Variants in IGSF11 observed in about 807,000 individuals in gnomAD.
IGSF11 encodes the protein CXADR like 1.
IGSF11 carries 22 observed loss-of-function variants against 41.0 expected under a neutral mutation model. The ratio of observed to expected loss-of-function variants is 0.54; its 90% CI spans 0.38 to 0.77. The LOEUF is 0.77. Among genes scored for constraint, IGSF11 ranks in the 30% least tolerant of loss-of-function variants. IGSF11 has a pLI of 0.00. For synonymous variants in IGSF11, 219 were observed against 201.3 expected (o/e 1.09, Z -0.74); for missense variants, 444 against 530.8 (o/e 0.84, Z 1.61).
At chr3:118,966,183 A>G (rs377456192) in intron 1 of IGSF11, among the ~76,000 whole-genome samples, 37 of 152,158 alleles carry the variant, frequency 2.4e-4, no homozygotes, top group African/African-American at 6.8e-4. Context: ...TATGATCAAC[A>G]ATTACTTAAT....
chr3:119,141,641 T>A (rs1459058363), intron 1 of IGSF11, among the ~76,000 whole-genome samples: 1 of 148,746 alleles, frequency 6.7e-6, no homozygotes, highest in Non-Finnish European at 1.5e-5. Context: ...AGATAAAATA[T>A]CTAATATATA....
intron 1 of IGSF11, among the ~76,000 whole-genome samples, chr3:119,053,307 A>G (rs1478350005): frequency 1.3e-5 from 2 of 152,210 alleles, no homozygotes; most frequent in African/African-American, 2.4e-5. Context: ...AAATGAATTC[A>G]GTAAAGTTGC....
intron 4 of IGSF11, among the ~76,000 whole-genome samples, chr3:118,916,499 A>G (rs936169823): frequency 3.3e-5 from 5 of 151,898 alleles, no homozygotes; most frequent in African/African-American, 1.2e-4. Flanking sequence ...AAAGATCAAA[A>G]GAGACAATGA....
At chr3:118,952,621 T>C (rs1028656320) in intron 1 of IGSF11, among the ~76,000 whole-genome samples, 2 of 152,234 alleles carry the variant, frequency 1.3e-5, no homozygotes, top group East Asian at 3.9e-4. Flanking sequence ...TTTTTTAAGA[T>C]AGAATAAGCT....
At chr3:118,920,836 G>T (rs1941705054) in intron 4 of IGSF11, among the ~76,000 whole-genome samples, 1 of 151,974 alleles carries the variant, frequency 6.6e-6, no homozygotes, top group Non-Finnish European at 1.5e-5. Context: ...CAATTATAAT[G>T]CTTCCTATGC....
chr3:119,098,119 G>A (rs1034419978), intron 1 of IGSF11, among the ~76,000 whole-genome samples: 3 of 151,766 alleles, frequency 2.0e-5, no homozygotes, highest in African/African-American at 2.4e-5. Context: ...TTCTTTTGGA[G>A]AACAAAGCTT....
chr3:118,927,292 C>T (rs1942410671), intron 3 of IGSF11, among the ~76,000 whole-genome samples: 1 of 152,026 alleles, frequency 6.6e-6, no homozygotes, highest in African/African-American at 2.4e-5. Flanking sequence ...GGCTTTTTAT[C>T]TTCTTTTTAA....
At chr3:118,985,811 T>C (rs1459792384) in intron 1 of IGSF11, among the ~76,000 whole-genome samples, 2 of 152,162 alleles carry the variant, frequency 1.3e-5, no homozygotes, top group African/African-American at 4.8e-5. Context: ...TGGCACCAGC[T>C]TCTTGATATG....
chr3:118,928,303 T>C (rs1942524515), intron 3 of IGSF11, among the ~76,000 whole-genome samples: 1 of 152,070 alleles, frequency 6.6e-6, no homozygotes, highest in Non-Finnish European at 1.5e-5. Context: ...ATTAAATAAG[T>C]AAGTTTTAGA....
chr3:119,016,209 G>C (rs114215046), intron 1 of IGSF11, among the ~76,000 whole-genome samples: 6,868 of 152,300 alleles, frequency 0.045, 205 homozygotes, highest in African/African-American at 0.083. Context: ...AAGGGAGAGA[G>C]GTGTGGCAGC....
intron 1 of IGSF11, among the ~76,000 whole-genome samples, chr3:119,064,767 A>G (rs939952112): frequency 6.6e-6 from 1 of 152,044 alleles, no homozygotes; most frequent in African/African-American, 2.4e-5. Flanking sequence ...CGTATGTGAC[A>G]TTCTTTGATG....
chr3:118,913,080 C>A (rs1940546997), intron 4 of IGSF11, among the ~76,000 whole-genome samples: 2 of 150,950 alleles, frequency 1.3e-5, no homozygotes. Context: ...GAAGAGAGAA[C>A]AGGTGATCTG....
chr3:119,004,920 T>A (rs1282113976), intron 1 of IGSF11, among the ~76,000 whole-genome samples: 1 of 152,064 alleles, frequency 6.6e-6, no homozygotes, highest in Non-Finnish European at 1.5e-5. Flanking sequence ...GGTGTGGTGC[T>A]GAAAAAAATG....
intron 1 of IGSF11, among the ~76,000 whole-genome samples, chr3:119,139,523 A>G (rs574367983): frequency 7.2e-5 from 11 of 152,248 alleles, no homozygotes; most frequent in African/African-American, 2.6e-4. Context: ...TAAAAACAAG[A>G]GTTTCCCTGC....
intron 1 of IGSF11, among the ~76,000 whole-genome samples, chr3:118,936,617 A>G (rs2107547940): frequency 6.6e-6 from 1 of 152,266 alleles, no homozygotes; most frequent in African/African-American, 2.4e-5. Flanking sequence ...TTTTCTTTGT[A>G]CTTTCACTTC....
At chr3:118,927,245 T>G (rs1268184373) in intron 3 of IGSF11, among the ~76,000 whole-genome samples, 1 of 152,164 alleles carries the variant, frequency 6.6e-6, no homozygotes, top group East Asian at 1.9e-4. Flanking sequence ...CCCAAAATAA[T>G]TCTTTGGAGG....
chr3:119,040,369 A>G (rs1013236773), intron 1 of IGSF11, among the ~76,000 whole-genome samples: 1 of 152,148 alleles, frequency 6.6e-6, no homozygotes, highest in Non-Finnish European at 1.5e-5. Context: ...TGCTCCCTGA[A>G]TGTCTGGGGA....
At chr3:119,113,748 T>C (rs146359468) in intron 1 of IGSF11, among the ~76,000 whole-genome samples, 3 of 152,204 alleles carry the variant, frequency 2.0e-5, no homozygotes, top group African/African-American at 7.2e-5. Flanking sequence ...CAGTGGGGAC[T>C]CTGTGTGAGG....
intron 1 of IGSF11, among the ~76,000 whole-genome samples, chr3:119,118,995 A>G (rs188327265): frequency 6.1e-4 from 93 of 152,282 alleles, no homozygotes; most frequent in African/African-American, 2.1e-3. Flanking sequence ...TGTCCATATC[A>G]TTATTGGCAT....
Sources: allele counts gnomAD v4.1 joint callset (sites outside exome capture counted in the v4.1 genomes callset), GRCh38; gene constraint gnomAD v4.1.1; transcripts MANE v1.5; gene names NCBI Gene and HGNC (gene_info 2026-07-23, HGNC 2026-07-21).